The following CA10 variants were observed in gnomAD, a reference collection of about 807,000 sequenced individuals.
CA10 encodes the protein carbonic anhydrase-related protein 10.
CA10 carries 14 observed loss-of-function variants against 44.2 expected under a neutral mutation model. The ratio of observed to expected loss-of-function variants is 0.32; its 90% CI spans 0.21 to 0.50. The LOEUF (loss-of-function observed/expected upper bound fraction) is 0.50. CA10 is among the 20% of genes least tolerant of loss of function. CA10 has a pLI of 0.99. For synonymous variants in CA10, 159 were observed against 141.6 expected, an observed-to-expected ratio of 1.12 and a Z score of -0.87; for missense variants, 350 against 409.7, an observed-to-expected ratio of 0.85 and a Z score of 1.26.
At chr17:51,839,487 C>A (rs1978301568) in intron 3 of CA10, among the ~76,000 whole-genome samples, 3 of 88,850 alleles carry the variant, frequency 3.4e-5, no homozygotes, top group Admixed American at 1.9e-4. Flanking sequence ...AGCAACAGAG[C>A]AAGACTCCTT....
intron 3 of CA10, among the ~76,000 whole-genome samples, chr17:51,865,063 T>C (rs1979484150): frequency 6.6e-6 from 1 of 152,132 alleles, no homozygotes; most frequent in Non-Finnish European, 1.5e-5. Flanking sequence ...AGAATGGACT[T>C]TCCCTCTGAG....
chr17:52,147,952 A>T (rs948143962), intron 1 of CA10, among the ~76,000 whole-genome samples: 1 of 152,196 alleles, frequency 6.6e-6, no homozygotes, highest in East Asian at 1.9e-4. Context: ...AGTTGTAAAG[A>T]TTAACCAGGT....
At chr17:51,654,406 C>A (rs1175654633) in intron 4 of CA10, among the ~76,000 whole-genome samples, 1 of 152,138 alleles carries the variant, frequency 6.6e-6, no homozygotes, top group Admixed American at 6.5e-5. Context: ...CAAACAGATG[C>A]TCCAGCAATT....
intron 2 of CA10, among the ~76,000 whole-genome samples, chr17:52,017,316 C>A (rs972600411): frequency 2.0e-5 from 3 of 152,210 alleles, no homozygotes; most frequent in Admixed American, 2.0e-4. Context: ...TTTGGAAATT[C>A]CTAGAGACTT....
intron 4 of CA10, among the ~76,000 whole-genome samples, chr17:51,733,240 A>G (rs893417904): frequency 1.3e-5 from 2 of 152,176 alleles, no homozygotes; most frequent in Admixed American, 1.3e-4. Flanking sequence ...TGAGATAGCA[A>G]TAACACTACC....
chr17:51,777,871 G>A (rs1450385866), intron 3 of CA10, among the ~76,000 whole-genome samples: 1 of 152,172 alleles, frequency 6.6e-6, no homozygotes, highest in Admixed American at 6.5e-5. Context: ...GGTTGAGGCT[G>A]TAGTGAGCCA....
At chr17:51,788,621 A>C (rs1468451461) in intron 3 of CA10, among the ~76,000 whole-genome samples, 7 of 152,238 alleles carry the variant, frequency 4.6e-5, no homozygotes, top group Admixed American at 2.0e-4. Context: ...ATTATGTATC[A>C]GCAAAAATAA....
At chr17:51,715,584 T>C (rs1401718169) in intron 4 of CA10, among the ~76,000 whole-genome samples, 5 of 152,154 alleles carry the variant, frequency 3.3e-5, no homozygotes, top group Non-Finnish European at 7.4e-5. Context: ...AACAATCCAA[T>C]TACACTCTTT....
At chr17:51,718,506 C>T (rs1916248305) in intron 4 of CA10, among the ~76,000 whole-genome samples, 1 of 152,112 alleles carries the variant, frequency 6.6e-6, no homozygotes, top group Non-Finnish European at 1.5e-5. Flanking sequence ...CAACCCTTCC[C>T]CATACCTTGC....
In CA10 at chr17:51,816,939, TC is replaced by T. The variant is rs560841937; in HGVS notation, c.280-69122del. ...CCTCCCTTCCACCAAAGTCCTGTCA[TC>T]CCACATTGGGCTATAGTATAAGCAA... On this transcript the variant is annotated intron_variant, in intron 3 of 8. Coordinates refer to ENST00000451037, the MANE Select transcript of CA10 (RefSeq NM_020178.5). Among the ~76,000 whole-genome samples, 513 of 152,304 alleles carry T rather than the reference TC, an allele frequency of 3.4e-3. 4 individuals are homozygous for T. Among genetic ancestry groups the T allele is most frequent in the African/African-American group, 0.012 (488 of 41,564 alleles).
chr17:51,865,518 T>G (rs983363839), intron 3 of CA10, among the ~76,000 whole-genome samples: 4 of 152,200 alleles, frequency 2.6e-5, no homozygotes, highest in Admixed American at 1.3e-4. Flanking sequence ...GACATGTTCC[T>G]TAAGCTGCCA....
At chr17:52,060,453 T>G (rs1598193047) in intron 2 of CA10, among the ~76,000 whole-genome samples, 1 of 152,294 alleles carries the variant, frequency 6.6e-6, no homozygotes, top group South Asian at 2.1e-4. Flanking sequence ...GGTTGGTTTC[T>G]TAGTTTTGAC....
intron 3 of CA10, among the ~76,000 whole-genome samples, chr17:51,751,000 G>T (rs1234582360): frequency 6.6e-6 from 1 of 152,212 alleles, no homozygotes; most frequent in African/African-American, 2.4e-5. Context: ...GGAGTCAAAA[G>T]ATTCTCAGTC....
At chr17:51,919,479 A>C (rs1028006981) in intron 3 of CA10, among the ~76,000 whole-genome samples, 5 of 152,170 alleles carry the variant, frequency 3.3e-5, no homozygotes, top group Admixed American at 2.0e-4. Flanking sequence ...GCTGCTTGAC[A>C]GGTGGAGCTA....
intron 2 of CA10, among the ~76,000 whole-genome samples, chr17:51,995,559 C>G (rs1985205343): frequency 6.6e-6 from 1 of 152,022 alleles, no homozygotes. Context: ...TATATTAAAT[C>G]CTTACATTTG....
intron 1 of CA10, among the ~76,000 whole-genome samples, chr17:52,146,387 C>T (rs8070000): frequency 0.045 from 6,905 of 152,030 alleles, 393 homozygotes; most frequent in Middle Eastern, 0.14. Context: ...TGGTGAAACA[C>T]CATGGTAAAA....
intron 3 of CA10, among the ~76,000 whole-genome samples, chr17:51,791,598 C>T (rs186927069): frequency 4.1e-4 from 63 of 152,214 alleles, no homozygotes; most frequent in Non-Finnish European, 6.9e-4. Flanking sequence ...CTGTCAATGA[C>T]GAAGACCCTA....
intron 2 of CA10, among the ~76,000 whole-genome samples, chr17:51,992,005 A>T (rs553165129): frequency 6.6e-6 from 1 of 152,156 alleles, no homozygotes; most frequent in South Asian, 2.1e-4. Flanking sequence ...CATTTCTAAC[A>T]TACCAAGAAG....
chr17:51,863,391 G>A (rs1254768964), intron 3 of CA10, among the ~76,000 whole-genome samples: 1 of 152,188 alleles, frequency 6.6e-6, no homozygotes, highest in Non-Finnish European at 1.5e-5. Flanking sequence ...CCATGAGTTA[G>A]ATGGCACGGA....
Sources: gnomAD v4.1 joint callset for allele counts (sites outside exome capture counted in the v4.1 genomes callset) on GRCh38, gnomAD v4.1.1 for gene constraint, MANE v1.5 for transcripts, NCBI Gene and HGNC (gene_info 2026-07-23, HGNC 2026-07-21) for gene names.